MROH7: variants seen among roughly 807,000 people sequenced by gnomAD.
The protein encoded by MROH7 is maestro heat-like repeat-containing protein family member 7.
In MROH7, 113 loss-of-function variants were observed where a neutral mutation model predicts 129.2. The ratio of observed to expected loss-of-function variants is 0.87; its 90% CI spans 0.75 to 1.02. The LOEUF is 1.02. MROH7 is among the 50% of genes least tolerant of loss of function. MROH7 has a pLI of 0.00. For synonymous variants in MROH7, 655 were observed against 667.9 expected, an observed-to-expected ratio of 0.98 and a Z score of 0.30; for missense variants, 1,601 against 1,671.3, an observed-to-expected ratio of 0.96 and a Z score of 0.73.
chr1:54,647,669 G>A (rs1644487356), intron 1 of MROH7, among the ~76,000 whole-genome samples: 1 of 152,016 alleles, frequency 6.6e-6, no homozygotes, highest in African/African-American at 2.4e-5. Flanking sequence ...GAACCCAGGA[G>A]GCGGAGGTTG....
chr1:54,709,259 G>A (rs1474024310), intron 23 of MROH7, among the ~76,000 whole-genome samples, 183 bp downstream of exon 23: 18 of 152,084 alleles, frequency 1.2e-4, no homozygotes, highest in African/African-American at 4.3e-4. Context: ...TCACTCTATC[G>A]CCCAGGCTGG....
chr1:54,675,595 C>T (rs58817396), intron 10 of MROH7, among the ~76,000 whole-genome samples: 2 of 140,064 alleles, frequency 1.4e-5, no homozygotes, highest in African/African-American at 5.3e-5. Flanking sequence ...TGGCTCGGGA[C>T]GCTGCCTTTT....
At chr1:54,697,594 A>G in intron 17 of MROH7, 1 of 685,200 alleles carries the variant, frequency 1.5e-6, no homozygotes, top group East Asian at 2.7e-5. Context: ...TTACAGGCCT[A>G]CTATGTGCCA....
rs868336177 is a variant in MROH7 at position 54,699,913 on chromosome 1, G to C, written c.2965-408G>C. On this transcript the variant is annotated intron_variant, in intron 17 of 23. Transcript: ENST00000421030. ...GAGCCCTGCGAGGTGGCAGGGGTCA[G>C]AGTGGAGGTGGGCATCCCAGGAGAA... 6.8e-5 allele frequency: 40 copies of C among 586,382 alleles called. No homozygotes were observed. The Middle Eastern group carries it at 1.8e-3, about 26-fold the overall frequency. 36.3% of individuals were successfully genotyped at this position (586,382 alleles called of 1,614,324 possible). A position where few individuals can be genotyped will look rare whatever the true frequency, so the allele number is the denominator to read the frequency against.
At chr1:54,675,714 C>T (rs1644969795) in intron 10 of MROH7, among the ~76,000 whole-genome samples, 3 of 151,908 alleles carry the variant, frequency 2.0e-5, no homozygotes, top group Admixed American at 1.3e-4. Context: ...CCTCCCACCT[C>T]AGCCTCCTGA....
At chr1:54,702,771 G>A (rs1373495390) in intron 21 of MROH7, 26 bp downstream of exon 21, 1 of 1,594,454 alleles carries the variant, frequency 6.3e-7, no homozygotes. Context: ...GAGTAGAGTG[G>A]TTCCTTACAA....
At chr1:54,691,005 A>G (rs565021719) in intron 15 of MROH7, among the ~76,000 whole-genome samples, 66 of 152,308 alleles carry the variant, frequency 4.3e-4, no homozygotes, top group African/African-American at 1.5e-3. Flanking sequence ...TAAAGGTGCT[A>G]GTGCCTGAAC....
intron 17 of MROH7, among the ~76,000 whole-genome samples, chr1:54,696,250 G>A (rs936708007): frequency 2.0e-5 from 3 of 152,098 alleles, no homozygotes; most frequent in African/African-American, 7.2e-5. Flanking sequence ...GCAGATCCAG[G>A]ATTCAAATAA....
In MROH7 at chr1:54,652,901, G is replaced by A. The variant is rs752805847; in HGVS notation, c.-26G>A. ...TGGCTGTTGGAGAGAAGCGGGCACT[G>A]GCATTGAGAGACCTCCAGACTGGAC... On this transcript the variant is annotated 5_prime_UTR_variant, in exon 3 of 24. It introduces an in-frame stop codon into an upstream open reading frame of the 5' UTR. Transcript: ENST00000421030. 1.9e-6 allele frequency: 3 copies of A among 1,538,890 alleles called. No homozygotes were observed. In the African/African-American group the frequency reaches 4.2e-5, roughly 21 times the overall value.
intron 3 of MROH7, chr1:54,664,107 CTT>C (rs1644776321): frequency 5.5e-6 from 1 of 182,614 alleles, no homozygotes; most frequent in Non-Finnish European, 1.2e-5. Flanking sequence ...ATGGGACACT[CTT>C]AGGAGTGGAG....
At chr1:54,664,055 C>T (rs7530161) in intron 3 of MROH7, 8,418 of 256,036 alleles carry the variant, frequency 0.033, 469 homozygotes, top group African/African-American at 0.13. Context: ...TGGTCCTGCC[C>T]AGTAAGTTTT....
Position 54,679,955 on chromosome 1 carries a change from A to G in MROH7, c.2291A>G (p.Gln764Arg). Residue 764 changes from glutamine (Q) to arginine (R), a missense_variant, in exon 13 of 24, where the codon CAG (glutamine) becomes CGG (arginine). By Grantham distance (43) the Gln-to-Arg change is conservative (BLOSUM62 1). Transcript: ENST00000421030. ...LSHIQEPRARQVALLPVSLLA... is the reference protein window; with the variant it reads ...LSHIQEPRARRVALLPVSLLA... ...CACATCCAGGAGCCTCGGGCCCGCCAGGTGGCCCTGCTGCCCGTCTCCCTC... is the reference window on the plus strand; with the variant it reads ...CACATCCAGGAGCCTCGGGCCCGCCGGGTGGCCCTGCTGCCCGTCTCCCTC... 1 of 1,613,988 alleles carries G rather than the reference A, an allele frequency of 6.2e-7. No homozygotes were observed. Among genetic ancestry groups the G allele is most frequent in the Non-Finnish European group, 8.5e-7 (1 of 1,179,960 alleles).
In MROH7 at chr1:54,697,773, T is replaced by C; in HGVS notation, c.2964+2283T>C. The C allele has an allele frequency of 7.5e-6, 5 of 666,828 alleles. No homozygotes were observed. The South Asian group carries it at 8.1e-5, about 11-fold the overall frequency. The allele number at this position is 666,828 out of a possible 1,614,324, so 41.3% of individuals were successfully genotyped here. A position where few individuals can be genotyped will look rare whatever the true frequency, so the allele number is the denominator to read the frequency against. On this transcript the variant is annotated intron_variant, in intron 17 of 23. Coordinates refer to ENST00000421030, the MANE Select transcript of MROH7 (RefSeq NM_001039464.4). ...AACAGGCCTGCCTGACACGGTCCTC[T>C]ACTTTGGTCAGCCTCTTGGAGAGGC...
intron 2 of MROH7, 44 bp downstream of exon 2, chr1:54,652,027 T>G (rs1169899919): frequency 1.3e-5 from 2 of 152,052 alleles, no homozygotes; most frequent in Non-Finnish European, 1.5e-5. Context: ...AGCCCCAGAT[T>G]GAGGGTAGGG....
At chr1:54,682,065 A>G (rs1194150233) in intron 13 of MROH7, among the ~76,000 whole-genome samples, 1 of 152,218 alleles carries the variant, frequency 6.6e-6, no homozygotes, top group African/African-American at 2.4e-5. Flanking sequence ...GGTGTACAGT[A>G]AATGCTCAGC....
intron 21 of MROH7, 108 bp downstream of exon 21, chr1:54,702,853 A>G (rs1645462735): frequency 7.4e-7 from 1 of 1,356,788 alleles, no homozygotes; most frequent in Non-Finnish European, 1.0e-6. Context: ...TTCCATGACC[A>G]ACTACAAGTT....
rs758597398 is a variant in MROH7, at chr1:54,653,389, T to A, written c.463T>A (p.Cys155Ser). The change falls in exon 3 of 24, where the codon TGC becomes AGC. Residue 155 changes from cysteine (C) to serine (S), a missense_variant. Coordinates refer to ENST00000421030, the MANE Select transcript of MROH7 (RefSeq NM_001039464.4). ...PQSNSEDAFK[C>S]LSSKIFKLGQ... Reference sequence around the variant, plus strand: ...GTCAAATTCTGAAGATGCCTTCAAGTGCCTCTCAAGTAAGATTTTCAAGTT... The same window carrying A: ...GTCAAATTCTGAAGATGCCTTCAAGAGCCTCTCAAGTAAGATTTTCAAGTT... 1.2e-6 allele frequency: 2 copies of A among 1,614,210 alleles called. No homozygotes were observed. The highest frequency in any genetic ancestry group is 2.2e-5 in the South Asian group (2 of 91,082).
At chr1:54,705,944 G>C (rs184341012) in intron 21 of MROH7, among the ~76,000 whole-genome samples, 1 of 152,310 alleles carries the variant, frequency 6.6e-6, no homozygotes, top group East Asian at 1.9e-4. Context: ...GACTACCTCT[G>C]TCAGACTATT....
chr1:54,650,143 G>A (rs150871849), intron 1 of MROH7, among the ~76,000 whole-genome samples: 1 of 152,242 alleles, frequency 6.6e-6, no homozygotes, highest in African/African-American at 2.4e-5. Context: ...GCTTCGGTGG[G>A]CCATGTACTC....
Sources: allele counts gnomAD v4.1 joint callset (sites outside exome capture counted in the v4.1 genomes callset), GRCh38; gene constraint gnomAD v4.1.1; transcripts MANE v1.5; gene names NCBI Gene and HGNC (gene_info 2026-07-23, HGNC 2026-07-21).